The following RFX7 variants were observed in gnomAD, a reference collection of about 807,000 sequenced individuals.
The protein encoded by RFX7 is regulatory factor X7.
A neutral mutation model predicts 111.8 loss-of-function variants in RFX7; 26 were observed. That is an observed-to-expected ratio of 0.23 (90% CI 0.17 to 0.32). RFX7 has a LOEUF of 0.32. Ranked by LOEUF, RFX7 falls within the 10% of genes least tolerant of loss-of-function variation. RFX7 has a pLI of 1.00. For synonymous variants in RFX7, 624 were observed against 624.4 expected (o/e 1.00, Z 0.01); for missense variants, 1,573 against 1,772.9 (o/e 0.89, Z 2.02).
chr15:56,114,586 A>C (rs2041983604), intron 5 of RFX7, among the ~76,000 whole-genome samples: 1 of 152,134 alleles, frequency 6.6e-6, no homozygotes, highest in Non-Finnish European at 1.5e-5. Context: ...GATCATACTA[A>C]TATATCACCT....
intron 5 of RFX7, among the ~76,000 whole-genome samples, chr15:56,113,648 G>A (rs1163791727): frequency 2.7e-5 from 4 of 146,248 alleles, no homozygotes; most frequent in African/African-American, 1.0e-4. Flanking sequence ...CATGTATCCC[G>A]GAATGTAGAG....
At chr15:56,191,077 C>A (rs2043096084) in intron 2 of RFX7, among the ~76,000 whole-genome samples, 2 of 152,242 alleles carry the variant, frequency 1.3e-5, no homozygotes, top group South Asian at 4.1e-4. Context: ...GACTTTTCAC[C>A]ATCAGTAGGG....
intron 5 of RFX7, among the ~76,000 whole-genome samples, chr15:56,133,611 G>C (rs1295690521): frequency 6.6e-6 from 1 of 152,050 alleles, no homozygotes; most frequent in African/African-American, 2.4e-5. Context: ...CCTAATGATT[G>C]TGTGTCTAAC....
intron 2 of RFX7, among the ~76,000 whole-genome samples, chr15:56,219,734 GT>G (rs1340599819): frequency 6.6e-6 from 1 of 152,144 alleles, no homozygotes; most frequent in African/African-American, 2.4e-5. Flanking sequence ...CATAGTGTAT[GT>G]TTACCACATT....
chr15:56,165,225 A>C (rs1466417507), intron 3 of RFX7, among the ~76,000 whole-genome samples: 1 of 152,198 alleles, frequency 6.6e-6, no homozygotes, highest in Non-Finnish European at 1.5e-5. Context: ...CCGGTTCCTG[A>C]CAGGCCATGA....
intron 2 of RFX7, among the ~76,000 whole-genome samples, chr15:56,198,366 T>TA (rs752398634): frequency 6.6e-6 from 1 of 152,162 alleles, no homozygotes; most frequent in African/African-American, 2.4e-5. Context: ...GAGCAACGTA[T>TA]GTCTAGTTCA....
intron 3 of RFX7, among the ~76,000 whole-genome samples, chr15:56,149,065 A>T (rs1229474616): frequency 1.3e-5 from 2 of 149,500 alleles, no homozygotes; most frequent in African/African-American, 5.0e-5. Context: ...CCTCAGCGAC[A>T]GAGCGAGACT....
At chr15:56,111,661 C>CAAAAAAAAAAAAAAAAAA in intron 5 of RFX7, among the ~76,000 whole-genome samples, 1 of 95,578 alleles carries the variant, frequency 1.0e-5, no homozygotes, top group Non-Finnish European at 2.0e-5. Flanking sequence ...ATAAATAAAC[C>CAAAAAAAAAAAAAAAAAA]AAAAAAAAAA....
intron 5 of RFX7, among the ~76,000 whole-genome samples, chr15:56,127,693 G>A (rs7180234): frequency 1.2e-3 from 188 of 151,570 alleles, no homozygotes; most frequent in African/African-American, 4.4e-3. Flanking sequence ...GACTACAGGC[G>A]CGCGCCACCA....
At chr15:56,111,336 C>A (rs2041927854) in intron 5 of RFX7, among the ~76,000 whole-genome samples, 1 of 152,076 alleles carries the variant, frequency 6.6e-6, no homozygotes, top group Non-Finnish European at 1.5e-5. Context: ...TCCTGTTGAT[C>A]TGTGACCTTA....
chr15:56,125,868 C>G (rs1381678214), intron 5 of RFX7, among the ~76,000 whole-genome samples: 2 of 152,118 alleles, frequency 1.3e-5, no homozygotes, highest in African/African-American at 4.8e-5. Flanking sequence ...CAAGTCCAAT[C>G]TTTCTCCCCT....
chr15:56,113,670 T>TAA lies in RFX7; in HGVS notation c.402-10002_402-10001dup, dbSNP rs11449454. Among the ~76,000 whole-genome samples, 427 of 146,550 alleles carry TAA rather than the reference T, an allele frequency of 2.9e-3. 4 individuals carry two copies. In the Middle Eastern group the frequency reaches 0.035, roughly 12 times the overall value. On this transcript the variant is annotated intron_variant, in intron 5 of 9. Coordinates refer to ENST00000559447, the MANE Select transcript of RFX7 (RefSeq NM_022841.7). ...CCCGGAATGTAGAGTAAAATAAAAT[T>TAA]AAAAAAAAAAAAAGTAAACTGAATG...
At chr15:56,187,123 A>T in intron 2 of RFX7, among the ~76,000 whole-genome samples, 1 of 152,220 alleles carries the variant, frequency 6.6e-6, no homozygotes, top group East Asian at 1.9e-4. Context: ...GACAAAATAT[A>T]AAAACAAACA....
At chr15:56,233,147 A>G (rs138153097) in intron 2 of RFX7, among the ~76,000 whole-genome samples, 81 of 152,308 alleles carry the variant, frequency 5.3e-4, no homozygotes, top group African/African-American at 1.9e-3. Flanking sequence ...TGGGTAATTT[A>G]TAAGGAAAAA....
At chr15:56,164,052 T>G (rs776751060) in intron 3 of RFX7, among the ~76,000 whole-genome samples, 2 of 152,128 alleles carry the variant, frequency 1.3e-5, no homozygotes, top group Non-Finnish European at 2.9e-5. Context: ...GATTAAAGAG[T>G]GCATGTCATG....
At chr15:56,153,260 A>C (rs1271229284) in intron 3 of RFX7, among the ~76,000 whole-genome samples, 1 of 152,214 alleles carries the variant, frequency 6.6e-6, no homozygotes, top group African/African-American at 2.4e-5. Flanking sequence ...ACAACGAAAA[A>C]AGAAAATTTC....
At chr15:56,195,097 A>G (rs536555295) in intron 2 of RFX7, among the ~76,000 whole-genome samples, 1 of 152,280 alleles carries the variant, frequency 6.6e-6, no homozygotes, top group Non-Finnish European at 1.5e-5. Context: ...TGCAGTATCA[A>G]CAAATGCTAC....
At chr15:56,180,737 A>G (rs1595991129) in intron 2 of RFX7, among the ~76,000 whole-genome samples, 1 of 134,342 alleles carries the variant, frequency 7.4e-6, no homozygotes, top group Non-Finnish European at 1.6e-5. Context: ...AAAACCCCAT[A>G]TCTACTAAAA....
At chr15:56,097,432 C>T (rs539108149) in intron 9 of RFX7, among the ~76,000 whole-genome samples, 11 of 151,892 alleles carry the variant, frequency 7.2e-5, no homozygotes, top group Non-Finnish European at 1.6e-4. Flanking sequence ...AAAAGAAAAG[C>T]GTTTAAATTT....
Sources: gnomAD v4.1 joint callset for allele counts (sites outside exome capture counted in the v4.1 genomes callset) on GRCh38, gnomAD v4.1.1 for gene constraint, MANE v1.5 for transcripts, NCBI Gene and HGNC (gene_info 2026-07-23, HGNC 2026-07-21) for gene names.